Variants in DNAH5 observed in about 807,000 individuals in gnomAD.
DNAH5 encodes the protein dynein axonemal heavy chain 5.
A neutral mutation model predicts 518.2 loss-of-function variants in DNAH5; 372 were observed. The observed-to-expected ratio is 0.72, with a 90% confidence interval of 0.66 to 0.78. The LOEUF (loss-of-function observed/expected upper bound fraction) is 0.78. DNAH5 is among the 30% of genes least tolerant of loss of function. The probability of loss-of-function intolerance (pLI) is 0.00; values close to 1 mark genes in which losing one functional copy is unlikely to be tolerated. For missense variants in DNAH5, 5,523 were observed against 5,687.0 expected, an observed-to-expected ratio of 0.97 and a Z score of 0.93; for synonymous variants, 2,039 against 2,025.9, an observed-to-expected ratio of 1.01 and a Z score of -0.17.
chr5:13,700,617 A>G, intron 78 of DNAH5, 23 bp downstream of exon 78: 2 of 1,596,286 alleles, frequency 1.3e-6, no homozygotes, highest in Non-Finnish European at 1.7e-6. Context: ...GCGAGCCCTT[A>G]CTGAAGGTAC....
Position 13,822,858 on chromosome 5 carries a change from A to G in DNAH5, c.6687+405T>C, listed in dbSNP as rs115332567. Among the ~76,000 whole-genome samples the G allele has an allele frequency of 8.7e-3, 1,327 of 151,784 alleles. 20 individuals carry two copies. The highest frequency in any genetic ancestry group is 0.031 in the African/African-American group (1,267 of 41,466). ...CACAAGTACTGAGGAAAGAGAAGCCACATGAGATCACTGCAAATAACACGC... is the reference window on the plus strand; with the variant it reads ...CACAAGTACTGAGGAAAGAGAAGCCGCATGAGATCACTGCAAATAACACGC... On this transcript the variant is annotated intron_variant, in intron 40 of 78. Transcript: ENST00000265104.
At chr5:13,934,284 C>G (rs74842694) in intron 1 of DNAH5, among the ~76,000 whole-genome samples, 52 of 152,252 alleles carry the variant, frequency 3.4e-4, no homozygotes, top group African/African-American at 1.2e-3. Context: ...TTGGATGTTC[C>G]AACCTAAGTT....
intron 74 of DNAH5, among the ~76,000 whole-genome samples, chr5:13,715,150 A>G (rs527831736): frequency 6.6e-6 from 1 of 152,302 alleles, no homozygotes; most frequent in African/African-American, 2.4e-5. Context: ...AGAGACAGAG[A>G]TGGTGTGGGA....
intron 74 of DNAH5, 63 bp from the exon 75 acceptor site, chr5:13,714,683 A>G: frequency 1.3e-6 from 2 of 1,537,286 alleles, no homozygotes; most frequent in South Asian, 2.3e-5. Context: ...AAATTACACT[A>G]TTTTAGGAAA....
chr5:13,915,975 A>C (rs1776604345), intron 9 of DNAH5, among the ~76,000 whole-genome samples: 2 of 152,264 alleles, frequency 1.3e-5, no homozygotes, highest in Admixed American at 6.5e-5. Context: ...AATTTGGAAC[A>C]GTGGCATATG....
At chr5:13,721,289 T>C in intron 70 of DNAH5, 44 bp from the exon 71 acceptor site, 1 of 1,613,280 alleles carries the variant, frequency 6.2e-7, no homozygotes, top group East Asian at 2.2e-5. Context: ...ATTCCAACTC[T>C]TTCATGTAGA....
At chr5:13,946,697 G>C (rs183697201), upstream of DNAH5, among the ~76,000 whole-genome samples, 1,171 of 152,324 alleles carry the variant, frequency 7.7e-3, 5 homozygotes, top group South Asian at 0.024. Context: ...CTTCCAGGCT[G>C]AAAATATTGG....
At chr5:13,880,667 A>T (rs892246287) in intron 21 of DNAH5, among the ~76,000 whole-genome samples, 5 of 151,944 alleles carry the variant, frequency 3.3e-5, no homozygotes, top group African/African-American at 9.7e-5. Flanking sequence ...CCTCAGGGTA[A>T]ACATAAAGCA....
intron 18 of DNAH5, 64 bp from the exon 19 acceptor site, chr5:13,885,292 G>C (rs1187600478): frequency 1.3e-6 from 2 of 1,570,982 alleles, no homozygotes; most frequent in African/African-American, 2.7e-5. Context: ...TAGATAGACA[G>C]ATAGATAGAC....
chr5:13,923,939 G>C (rs1322673464), intron 3 of DNAH5, among the ~76,000 whole-genome samples: 2 of 152,108 alleles, frequency 1.3e-5, no homozygotes, highest in East Asian at 1.9e-4. Flanking sequence ...CCAGCTACTT[G>C]GGAGGCTGAG....
intron 65 of DNAH5, among the ~76,000 whole-genome samples, chr5:13,748,909 T>C (rs1484331828): frequency 2.0e-5 from 3 of 151,816 alleles, no homozygotes; most frequent in Non-Finnish European, 2.9e-5. Context: ...AGAACTGATA[T>C]ATCTGTGTTC....
Position 13,707,976 on chromosome 5 carries a change from G to T in DNAH5, c.13338+147C>A. The T allele has an allele frequency of 1.1e-6, 1 of 931,070 alleles. No individual in the cohort carries two copies. The highest frequency in any genetic ancestry group is 1.7e-6 in the Non-Finnish European group (1 of 582,116). The allele number at this position is 931,070 out of a possible 1,614,324, so 57.7% of individuals were successfully genotyped here. A position where few individuals can be genotyped will look rare whatever the true frequency, so the allele number is the denominator to read the frequency against. On this transcript the variant is annotated intron_variant, in intron 76 of 78. Coordinates refer to ENST00000265104, the MANE Select transcript of DNAH5 (RefSeq NM_001369.3). This position sits in a 1 kb window ranked among gnomAD's most constrained non-coding sequence, Gnocchi z 4.0. ...AAAAAAAACTTCCTTCCCTACCTAT[G>T]GTCTAAAAATACAGGGCTACAGGGG...
rs770557925 is a variant in DNAH5 at position 13,841,802 on chromosome 5, G to A, written c.5374C>T (p.Leu1792Phe). ...EGNVEVWLNS[L>F]LEESQSSLHL... is the part of the protein sequence containing the mutation. ...AATGAGGACTGAGATTCTTCCAAAAGAGAATTAAGCCAAACTTCCACATTG... is the reference window on the plus strand; with the variant it reads ...AATGAGGACTGAGATTCTTCCAAAAAAGAATTAAGCCAAACTTCCACATTG... The change falls in exon 33 of 79, where the codon CTT becomes TTT. Residue 1792 changes from leucine (L) to phenylalanine (F), a missense_variant. Physicochemically the swap from Leu to Phe is conservative, Grantham distance 22 (BLOSUM62 0). This residue lies in a region of DNAH5 where 5,121 missense variants were observed against 5,223.3 expected (regional missense o/e 0.98). Coordinates refer to ENST00000265104, the MANE Select transcript of DNAH5 (RefSeq NM_001369.3). 1 of 1,612,320 alleles carries A rather than the reference G, an allele frequency of 6.2e-7. No individual in the cohort carries two copies. Among genetic ancestry groups the A allele is most frequent in the Non-Finnish European group, 8.5e-7 (1 of 1,179,542 alleles).
chr5:13,758,682 A>G (rs1751347719), intron 61 of DNAH5, among the ~76,000 whole-genome samples, 164 bp downstream of exon 61: 2 of 152,234 alleles, frequency 1.3e-5, no homozygotes, highest in East Asian at 3.8e-4. Context: ...ACTGACAGCC[A>G]TCTTGACTGA....
At chr5:13,782,242 T>G (rs1247866876) in intron 52 of DNAH5, among the ~76,000 whole-genome samples, 1 of 152,212 alleles carries the variant, frequency 6.6e-6, no homozygotes, top group Non-Finnish European at 1.5e-5. Flanking sequence ...TCACTGGGGC[T>G]CTGCATTCTG....
At chr5:13,807,368 G>A (rs966659124) in intron 47 of DNAH5, among the ~76,000 whole-genome samples, 1 of 152,164 alleles carries the variant, frequency 6.6e-6, no homozygotes, top group African/African-American at 2.4e-5. Context: ...GAGGCCTATA[G>A]CACCTTATAT....
At chr5:13,737,229 T>C in intron 66 of DNAH5, 23 bp downstream of exon 66, 1 of 1,613,908 alleles carries the variant, frequency 6.2e-7, no homozygotes, top group South Asian at 1.1e-5. Flanking sequence ...CCTGTGACAT[T>C]TGTCTTTCAT....
At chr5:13,974,282 CA>C (rs1782083512) in intron 1 of DNAH5, among the ~76,000 whole-genome samples, 1 of 151,806 alleles carries the variant, frequency 6.6e-6, no homozygotes, top group Non-Finnish European at 1.5e-5. Context: ...TGAGTGCCAC[CA>C]CCTGTAATTT....
chr5:13,932,930 C>T (rs543201159), intron 1 of DNAH5, among the ~76,000 whole-genome samples: 2 of 152,338 alleles, frequency 1.3e-5, no homozygotes, highest in South Asian at 2.1e-4. Context: ...AGATAACATG[C>T]AGGTTCTCAA....
Sources: allele counts gnomAD v4.1 joint callset (sites outside exome capture counted in the v4.1 genomes callset), GRCh38; gene constraint gnomAD v4.1.1; regional missense constraint gnomAD v4.1.1; non-coding constraint Gnocchi (gnomAD v3.1); transcripts MANE v1.5; gene names NCBI Gene and HGNC (gene_info 2026-07-23, HGNC 2026-07-21).